Variants in RPRD2 observed in about 807,000 individuals in gnomAD.
RPRD2 encodes the protein regulation of nuclear pre-mRNA domain-containing protein 2.
Under a neutral mutation model 104.4 loss-of-function variants are expected in RPRD2, and 12 were observed. The ratio of observed to expected loss-of-function variants is 0.11; its 90% CI spans 0.07 to 0.19. The LOEUF is 0.19. Among genes scored for constraint, RPRD2 ranks in the 10% least tolerant of loss-of-function variants. RPRD2 has a pLI of 1.00. For synonymous variants in RPRD2, 714 were observed against 684.9 expected (o/e 1.04, Z -0.66); for missense variants, 1,543 against 1,790.1 (o/e 0.86, Z 2.49).
rs782528667 is a variant in RPRD2, at chr1:150,464,563, C to T, written c.1448C>T (p.Pro483Leu). Residue 483 changes from proline (P) to leucine (L), a missense_variant, in exon 10 of 11, where the codon CCC becomes CTC. Physicochemically the swap from Pro to Leu is moderately conservative, Grantham distance 98. Around this residue, in one of 4 missense-constraint regions of RPRD2, gnomAD observed 572 missense variants for 787.3 expected, o/e 0.73. Transcript: ENST00000369068. ...GCATCAAGACCTTCTCCAGGAACGC[C>T]CACCAGCCCCAGCAACCTCACCAGT... ...SPASRPSPGT[P>L]TSPSNLTSGL... The T allele has an allele frequency of 2.5e-6, 4 of 1,605,454 alleles. No individual in the cohort carries two copies. In the South Asian group the frequency reaches 4.5e-5, roughly 18 times the overall value.
chr1:150,453,323 G>A (rs1242447657), intron 7 of RPRD2, among the ~76,000 whole-genome samples: 1 of 152,110 alleles, frequency 6.6e-6, no homozygotes, highest in Non-Finnish European at 1.5e-5. Flanking sequence ...GAGCCACCGC[G>A]CCTGGCCTCA....
intron 7 of RPRD2, among the ~76,000 whole-genome samples, chr1:150,456,974 A>C (rs1667573867): frequency 6.6e-6 from 1 of 151,624 alleles, no homozygotes; most frequent in African/African-American, 2.4e-5. Context: ...CTATAATCCC[A>C]GCACTTTGGG....
intron 8 of RPRD2, 136 bp downstream of exon 8, chr1:150,457,706 T>G: frequency 8.5e-5 from 66 of 775,336 alleles, no homozygotes; most frequent in Non-Finnish European, 1.1e-4. Flanking sequence ...TTATAATCTC[T>G]AGAGCAGTTG....
intron 1 of RPRD2, among the ~76,000 whole-genome samples, chr1:150,403,625 A>G (rs1663236791): frequency 1.3e-5 from 2 of 151,888 alleles, no homozygotes; most frequent in Admixed American, 1.3e-4. Context: ...ATAATATTCC[A>G]TTGTATGCGT....
In RPRD2 at chr1:150,445,623, A is replaced by T. The variant is rs587751256; in HGVS notation, c.695-603A>T. Among the ~76,000 whole-genome samples, 19 of 152,332 alleles carry T rather than the reference A, an allele frequency of 1.2e-4. No homozygotes were observed. In the South Asian group the frequency reaches 3.7e-3, roughly 30 times the overall value. Reference sequence around the variant, plus strand: ...CAGTGTGGAATCCAATTTGTGAAGAAAATAATTAATCAACAAACTCTTTTA... The same window carrying T: ...CAGTGTGGAATCCAATTTGTGAAGATAATAATTAATCAACAAACTCTTTTA... On this transcript the variant is annotated intron_variant, in intron 6 of 10. Coordinates refer to ENST00000369068, the MANE Select transcript of RPRD2 (RefSeq NM_015203.5).
At position 150,433,637 on chromosome 1, in the gene RPRD2, G is replaced by C. The variant is rs1234519843; in HGVS notation, c.336-7286G>C. Among the ~76,000 whole-genome samples the C allele has an allele frequency of 8.8e-5, 13 of 148,370 alleles. No homozygotes were observed. In the Admixed American group the frequency reaches 8.8e-4, roughly 10 times the overall value. On this transcript the variant is annotated intron_variant, in intron 2 of 10. Transcript: ENST00000369068. ...TTTTTTGTATTTTTAGTAGAGATGG[G>C]GTTTCACAGTGTTAGCCAGGATGGT... is the stretch of plus-strand genomic sequence containing the variant.
intron 1 of RPRD2, among the ~76,000 whole-genome samples, chr1:150,413,326 C>T (rs145211887): frequency 1.3e-4 from 20 of 152,258 alleles, no homozygotes; most frequent in African/African-American, 3.9e-4. Flanking sequence ...TAAGGCCAGG[C>T]GCTGTGGCTC....
intron 1 of RPRD2, among the ~76,000 whole-genome samples, chr1:150,408,339 A>G (rs1018855250): frequency 6.6e-5 from 10 of 151,320 alleles, no homozygotes; most frequent in Non-Finnish European, 1.2e-4. Flanking sequence ...TAATTTTTGT[A>G]TTTTTAGTTT....
At chr1:150,425,770 A>T (rs1665080521) in intron 2 of RPRD2, among the ~76,000 whole-genome samples, 1 of 152,288 alleles carries the variant, frequency 6.6e-6, no homozygotes, top group African/African-American at 2.4e-5. Flanking sequence ...TACTGATGAT[A>T]AAATAAATCA....
At chr1:150,413,818 G>C (rs1050000007) in intron 1 of RPRD2, among the ~76,000 whole-genome samples, 41 of 136,604 alleles carry the variant, frequency 3.0e-4, no homozygotes, top group African/African-American at 9.9e-4. Context: ...CCAGCTACTC[G>C]GGAGGCTGAG....
chr1:150,384,683 T>TGTGTGTGTGTGTGTTTG (rs1560155301), intron 1 of RPRD2, among the ~76,000 whole-genome samples: 1 of 118,010 alleles, frequency 8.5e-6, no homozygotes, highest in Non-Finnish European at 1.7e-5. Context: ...GTGTGTGTGT[T>TGTGTGTGTGTGTGTTTG]TTTAGTAGAG....
intron 1 of RPRD2, among the ~76,000 whole-genome samples, chr1:150,411,900 T>C (rs1410006998): frequency 7.2e-6 from 1 of 139,290 alleles, no homozygotes; most frequent in African/African-American, 2.8e-5. Flanking sequence ...CTAAGGTGGG[T>C]GGATTGCTTG....
chr1:150,449,280 AG>A (rs1316510206), intron 7 of RPRD2, among the ~76,000 whole-genome samples: 1 of 152,126 alleles, frequency 6.6e-6, no homozygotes, highest in East Asian at 1.9e-4. Context: ...TTTATATTTA[AG>A]TATATCTTTT....
chr1:150,371,879 C>T (rs1660329566), intron 1 of RPRD2, among the ~76,000 whole-genome samples: 1 of 152,084 alleles, frequency 6.6e-6, no homozygotes, highest in East Asian at 1.9e-4. Context: ...TATAGATTAA[C>T]TAGACTATCA....
chr1:150,403,772 C>T (rs1330837073), intron 1 of RPRD2, among the ~76,000 whole-genome samples: 1 of 152,016 alleles, frequency 6.6e-6, no homozygotes, highest in Non-Finnish European at 1.5e-5. Context: ...CCTCAGCCTT[C>T]CGAGTAGCTG....
At chr1:150,389,798 G>T (rs1354770468) in intron 1 of RPRD2, among the ~76,000 whole-genome samples, 1 of 152,122 alleles carries the variant, frequency 6.6e-6, no homozygotes, top group Admixed American at 6.6e-5. Context: ...GGTTTCCAAG[G>T]GTCTGTTCAT....
At chr1:150,447,843 T>C (rs1553895833) in intron 7 of RPRD2, among the ~76,000 whole-genome samples, 1 of 152,232 alleles carries the variant, frequency 6.6e-6, no homozygotes, top group East Asian at 1.9e-4. Context: ...TATTTTTTTC[T>C]GGCATTTGCT....
At chr1:150,456,539 G>A (rs1667535524) in intron 7 of RPRD2, among the ~76,000 whole-genome samples, 1 of 151,878 alleles carries the variant, frequency 6.6e-6, no homozygotes, top group South Asian at 2.1e-4. Context: ...AGGCTGAGGT[G>A]GGAGGATCAC....
chr1:150,388,384 G>GTATACACATGTATATACGTGTA (rs1491240484), intron 1 of RPRD2, among the ~76,000 whole-genome samples: 8 of 145,664 alleles, frequency 5.5e-5, no homozygotes, highest in South Asian at 4.3e-4. Context: ...ACATATACAC[G>GTATACACATGTATATACGTGTA]TATACACATG....
Sources: allele counts gnomAD v4.1 joint callset (sites outside exome capture counted in the v4.1 genomes callset), GRCh38; gene constraint gnomAD v4.1.1; regional missense constraint gnomAD v4.1.1; transcripts MANE v1.5; gene names NCBI Gene and HGNC (gene_info 2026-07-23, HGNC 2026-07-21).